CHPT1: variants seen among roughly 807,000 people sequenced by gnomAD.
CHPT1 encodes cholinephosphotransferase 1.
In CHPT1, 36 loss-of-function variants were observed where a neutral mutation model predicts 47.6. That is an observed-to-expected ratio of 0.76 (90% confidence interval 0.58 to 1.00). The LOEUF (loss-of-function observed/expected upper bound fraction) is 1.00. CHPT1 is among the 50% of genes least tolerant of loss of function. The pLI is 0.00. For synonymous variants in CHPT1, 194 were observed against 186.3 expected (o/e 1.04, Z -0.33); for missense variants, 458 against 498.1 (o/e 0.92, Z 0.77).
chr12:101,701,530 T>C, intron 1 of CHPT1, among the ~76,000 whole-genome samples: 1 of 152,218 alleles, frequency 6.6e-6, no homozygotes, highest in Non-Finnish European at 1.5e-5. Flanking sequence ...AAAATTAACC[T>C]CTTCTAGAGT....
intron 1 of CHPT1, 103 bp downstream of exon 1, chr12:101,698,237 G>A (rs905352732): frequency 2.2e-6 from 3 of 1,337,192 alleles, no homozygotes; most frequent in South Asian, 1.9e-5. Flanking sequence ...AGCCTCTCCC[G>A]GGCCCCGGAG....
chr12:101,714,758 T>C, intron 3 of CHPT1, 113 bp downstream of exon 3: 1 of 1,138,986 alleles, frequency 8.8e-7, no homozygotes, highest in Non-Finnish European at 1.2e-6. Flanking sequence ...GTAACTTAAA[T>C]TAATTCGTCG....
At chr12:101,700,950 TC>T (rs1951546127) in intron 1 of CHPT1, among the ~76,000 whole-genome samples, 1 of 152,162 alleles carries the variant, frequency 6.6e-6, no homozygotes. Flanking sequence ...CCAGAAAGAG[TC>T]AGCAAAAACA....
rs561466824 is a variant in CHPT1, at chr12:101,719,148, C to T, written c.649-975C>T. On this transcript the variant is annotated intron_variant, in intron 4 of 8. Coordinates refer to ENST00000229266, the MANE Select transcript of CHPT1 (RefSeq NM_020244.3). ...CTCCAGCCCTGGGCGACAAGAGACT[C>T]GTCTCAAGAAAAAAAAAAAAAAAAA... 3.2e-4 allele frequency among the ~76,000 whole-genome samples: 33 copies of T among 104,622 alleles called. No individual in the cohort carries two copies. The East Asian group carries it at 9.7e-3, about 31-fold the overall frequency. 68.6% of individuals were successfully genotyped at this position (104,622 alleles called of 152,430 possible). A position where few individuals can be genotyped will look rare whatever the true frequency, so the allele number is the denominator to read the frequency against.
At position 101,711,868 on chromosome 12, in the gene CHPT1, T is replaced by C. The variant is rs367872501; in HGVS notation, c.274-2222T>C. ...CAGAATTGTTCTCTGTAAGACACTT[T>C]GGGATTCTTTCAAAAGATTCTGGGT... On this transcript the variant is annotated intron_variant, in intron 1 of 8. Transcript: ENST00000229266. Among the ~76,000 whole-genome samples, 10 of 148,940 alleles carry C rather than the reference T, an allele frequency of 6.7e-5. 1 individual carries two copies. In the East Asian group the frequency reaches 8.0e-4, roughly 12 times the overall value.
chr12:101,726,258 A>G, intron 7 of CHPT1, 36 bp from the exon 8 acceptor site: 1 of 1,350,218 alleles, frequency 7.4e-7, no homozygotes, highest in Non-Finnish European at 1.1e-6. Context: ...AAGATAGATC[A>G]TAATCGATTT....
Position 101,720,249 on chromosome 12 carries a change from A to G in CHPT1, c.775A>G (p.Ile259Val), listed in dbSNP as rs1445776480. 3 of 1,598,310 alleles carry G rather than the reference A, an allele frequency of 1.9e-6. No individual in the cohort carries two copies. Among genetic ancestry groups the G allele is most frequent in the Non-Finnish European group, 2.6e-6 (3 of 1,174,140 alleles). Residue 259 changes from isoleucine (I) to valine (V), a missense_variant, in exon 5 of 9, where the codon ATA (isoleucine) becomes GTA (valine). Physicochemically the swap from Ile to Val is conservative, Grantham distance 29. Coordinates refer to ENST00000229266, the MANE Select transcript of CHPT1 (RefSeq NM_020244.3). ...HGGVGKNGST[I>V]AGTSVLSPGL... is the part of the protein sequence containing the mutation. ...TGGTGTTGGCAAGAATGGATCCACT[A>G]TAGCAGTAAGGCAATAATTTCATCA...
chr12:101,723,405 G>A (rs1257044359), intron 6 of CHPT1, 79 bp downstream of exon 6: 3 of 905,532 alleles, frequency 3.3e-6, no homozygotes, highest in African/African-American at 1.7e-5. Flanking sequence ...TTCATAAAAT[G>A]TATAGGTTTT....
chr12:101,702,410 T>C (rs1049817445), intron 1 of CHPT1, among the ~76,000 whole-genome samples: 1 of 152,204 alleles, frequency 6.6e-6, no homozygotes, highest in Non-Finnish European at 1.5e-5. Flanking sequence ...GTGTTTATGA[T>C]GATAAAGAGT....
intron 6 of CHPT1, 41 bp downstream of exon 6, chr12:101,723,367 A>C (rs745404708): frequency 8.3e-7 from 1 of 1,199,426 alleles, no homozygotes; most frequent in Admixed American, 2.3e-5. Context: ...TAATATACTT[A>C]GTCGTCAAAC....
chr12:101,720,342 C>A, intron 5 of CHPT1, 88 bp downstream of exon 5: 2 of 1,130,722 alleles, frequency 1.8e-6, no homozygotes, highest in South Asian at 2.8e-5. Flanking sequence ...TGCCAAAGTT[C>A]AAGAATGGGG....
At chr12:101,719,258 T>A (rs1594138816) in intron 4 of CHPT1, among the ~76,000 whole-genome samples, 1 of 151,832 alleles carries the variant, frequency 6.6e-6, no homozygotes. Flanking sequence ...TGGAATTGAA[T>A]CTTAAAATTG....
intron 5 of CHPT1, among the ~76,000 whole-genome samples, chr12:101,722,895 T>A (rs975337899): frequency 6.6e-6 from 1 of 152,152 alleles, no homozygotes; most frequent in Non-Finnish European, 1.5e-5. Context: ...TAAAAGTTGA[T>A]ATAGAATAAA....
chr12:101,728,575 C>A lies in CHPT1; in HGVS notation c.1177-326C>A, dbSNP rs181343677. ...AAATAGATTTTGTATTCCGTTTTTT[C>A]CTTAAAGAACATAACCTTCTATACT... On this transcript the variant is annotated intron_variant, in intron 8 of 8. Coordinates refer to ENST00000229266, the MANE Select transcript of CHPT1 (RefSeq NM_020244.3). 36 of 207,832 alleles carry A rather than the reference C, an allele frequency of 1.7e-4. No homozygotes were observed. In the East Asian group the frequency reaches 3.9e-3, roughly 23 times the overall value. The allele number at this position is 207,832 out of a possible 1,614,324, so 12.9% of individuals were successfully genotyped here.
At position 101,712,628 on chromosome 12, in the gene CHPT1, A is replaced by G. The variant is rs891987985; in HGVS notation, c.274-1462A>G. On this transcript the variant is annotated intron_variant, in intron 1 of 8. Coordinates refer to ENST00000229266, the MANE Select transcript of CHPT1 (RefSeq NM_020244.3). ...TCTTTCGTCATTTTGGATAGTTTCC[A>G]TTGGTACATGCTTATTGATCTTTTC... Among the ~76,000 whole-genome samples the G allele has an allele frequency of 1.3e-4, 20 of 148,446 alleles. 1 individual carries two copies. Among genetic ancestry groups the G allele is most frequent in the African/African-American group, 4.6e-4 (19 of 41,032 alleles).
intron 8 of CHPT1, 130 bp from the exon 9 acceptor site, chr12:101,728,771 A>G: frequency 9.8e-7 from 1 of 1,020,762 alleles, no homozygotes; most frequent in Non-Finnish European, 1.4e-6. Context: ...ATAACTATTT[A>G]GATTTGACTT....
rs747956740 is a variant in CHPT1, at chr12:101,726,293, G to A, written c.1066-1G>A. ...TTATATTTTCTTTTTTGCTTCTAAA[G>A]GTGATTTCTTCATTTGATATGGTGA... On this transcript the variant is annotated splice_acceptor_variant, in intron 7 of 8. Transcript: ENST00000229266. LOFTEE classifies it high-confidence loss of function. 7.5e-6 allele frequency: 12 copies of A among 1,596,960 alleles called. No homozygotes were observed. The South Asian group carries it at 1.3e-4, about 18-fold the overall frequency.
intron 1 of CHPT1, among the ~76,000 whole-genome samples, chr12:101,706,522 A>T (rs772836486): frequency 1.3e-5 from 2 of 152,174 alleles, no homozygotes; most frequent in African/African-American, 2.4e-5. Flanking sequence ...ACCTAAGAAC[A>T]TGTTCCAGAA....
At chr12:101,728,796 T>C (rs949983401) in intron 8 of CHPT1, 105 bp from the exon 9 acceptor site, 2 of 1,304,208 alleles carry the variant, frequency 1.5e-6, no homozygotes, top group Admixed American at 1.9e-5. Context: ...GAAAGGGAGG[T>C]CTTACAATGA....
Sources: gnomAD v4.1 joint callset for allele counts (sites outside exome capture counted in the v4.1 genomes callset) on GRCh38, gnomAD v4.1.1 for gene constraint, MANE v1.5 for transcripts, NCBI Gene and HGNC (gene_info 2026-07-23, HGNC 2026-07-21) for gene names.